LRP1B: variants seen among roughly 807,000 people sequenced by gnomAD.
LRP1B encodes the protein low-density lipoprotein receptor-related protein 1B.
A neutral mutation model predicts 556.6 loss-of-function variants in LRP1B; 217 were observed. The observed-to-expected ratio is 0.39, with a 90% CI of 0.35 to 0.44. The LOEUF is 0.44. LRP1B is among the 20% of genes least tolerant of loss of function. The probability of loss-of-function intolerance (pLI) is 1.00; values close to 1 mark genes in which losing one functional copy is unlikely to be tolerated. For missense variants in LRP1B, 5,053 were observed against 5,620.8 expected (o/e 0.90, Z 3.23); for synonymous variants, 2,047 against 1,865.8 (o/e 1.10, Z -2.50).
intron 18 of LRP1B, among the ~76,000 whole-genome samples, chr2:140,969,223 G>A (rs1302717257): frequency 1.3e-5 from 2 of 152,138 alleles, no homozygotes; most frequent in African/African-American, 2.4e-5. Flanking sequence ...CCTGTATTGG[G>A]TGCATATATA....
rs554198571 is a variant in LRP1B at position 141,996,136 on chromosome 2, C to T, written c.82+134512G>A. On this transcript the variant is annotated intron_variant, in intron 1 of 90. Transcript: ENST00000389484. The stretch of plus-strand genomic sequence containing the variant: ...GCATGGTGGCGGGCGCCTGCAGTCC[C>T]GAACCCGGGAGGCAGATGTTGCAGT... 4.6e-5 allele frequency among the ~76,000 whole-genome samples: 7 copies of T among 150,992 alleles called. No homozygotes were observed. The South Asian group carries it at 1.3e-3, about 27-fold the overall frequency.
intron 1 of LRP1B, among the ~76,000 whole-genome samples, chr2:142,058,704 G>A (rs1704778455): frequency 6.6e-6 from 1 of 151,894 alleles, no homozygotes; most frequent in African/African-American, 2.4e-5. Context: ...CCAATGCTTG[G>A]CACATGCTTT....
intron 7 of LRP1B, among the ~76,000 whole-genome samples, chr2:141,169,336 AAAG>A (rs1383062373): frequency 2.1e-5 from 3 of 140,738 alleles, no homozygotes; most frequent in Non-Finnish European, 3.0e-5. Flanking sequence ...ATAAATAAAT[AAAG>A]AAGAGATGGG....
chr2:141,689,753 A>T (rs908345123), intron 2 of LRP1B, among the ~76,000 whole-genome samples: 6 of 151,816 alleles, frequency 4.0e-5, no homozygotes, highest in Admixed American at 2.6e-4. Context: ...ACACATTTAA[A>T]TTTTAAGCCA....
intron 37 of LRP1B, among the ~76,000 whole-genome samples, chr2:140,708,437 A>G (rs1686916714): frequency 6.6e-6 from 1 of 151,742 alleles, no homozygotes; most frequent in Non-Finnish European, 1.5e-5. Context: ...TAGGACAATT[A>G]TTATGTGTAT....
intron 41 of LRP1B, among the ~76,000 whole-genome samples, chr2:140,684,890 A>C (rs1211845992): frequency 6.6e-6 from 1 of 152,204 alleles, no homozygotes; most frequent in East Asian, 1.9e-4. Flanking sequence ...GCTTCTAACA[A>C]TAGGAACATA....
chr2:142,081,922 T>C (rs1705733475), intron 1 of LRP1B, among the ~76,000 whole-genome samples: 1 of 152,172 alleles, frequency 6.6e-6, no homozygotes, highest in Non-Finnish European at 1.5e-5. Context: ...AAGTGGGACC[T>C]GGAAAAGGTT....
chr2:141,850,655 T>TGTGA (rs1343394382), intron 1 of LRP1B, among the ~76,000 whole-genome samples: 2 of 145,258 alleles, frequency 1.4e-5, no homozygotes, highest in African/African-American at 5.1e-5. Flanking sequence ...TGTGTGTGTG[T>TGTGA]GAGCATGTAC....
intron 45 of LRP1B, among the ~76,000 whole-genome samples, chr2:140,537,680 G>A (rs1455477800): frequency 2.6e-5 from 4 of 151,710 alleles, no homozygotes; most frequent in African/African-American, 7.3e-5. Flanking sequence ...CCAGATGACC[G>A]CTGTCAGAAA....
At chr2:141,243,081 G>A (rs1386506722) in intron 5 of LRP1B, among the ~76,000 whole-genome samples, 1 of 151,672 alleles carries the variant, frequency 6.6e-6, no homozygotes, top group Non-Finnish European at 1.5e-5. Context: ...ATATCAAAAT[G>A]TGCAAGAAGT....
At chr2:141,819,828 ATC>A (rs1281693237) in intron 1 of LRP1B, among the ~76,000 whole-genome samples, 3 of 152,184 alleles carry the variant, frequency 2.0e-5, no homozygotes, top group African/African-American at 7.2e-5. Context: ...TACAATATAT[ATC>A]TATCTATGGA....
In LRP1B at chr2:140,297,947, T is replaced by C. The variant is rs149487197; in HGVS notation, c.12828A>G (p.Ala4276=). Residue 4276 remains alanine (A), a synonymous_variant, in exon 84 of 91, where the codon GCA becomes GCG. Transcript: ENST00000389484. ...CACAGTTTGGCCCAGTGAAACCCAG[T>C]GCACAGCTGCAGGTGGGTCTCCCTA... The part of the protein sequence containing the change: ...SVLGRPTCSC[A]LGFTGPNCGK... The C allele has an allele frequency of 2.5e-6, 4 of 1,612,392 alleles. No homozygotes were observed. Among genetic ancestry groups the C allele is most frequent in the South Asian group, 2.2e-5 (2 of 90,988 alleles).
chr2:140,443,721 CT>C (rs1256492841), intron 65 of LRP1B, among the ~76,000 whole-genome samples: 1 of 152,060 alleles, frequency 6.6e-6, no homozygotes, highest in African/African-American at 2.4e-5. Flanking sequence ...ACAGTTTTGC[CT>C]TCCATTTAAC....
chr2:141,694,720 G>A (rs1487743082), intron 2 of LRP1B, among the ~76,000 whole-genome samples: 1 of 151,552 alleles, frequency 6.6e-6, no homozygotes, highest in African/African-American at 2.4e-5. Context: ...AAAGCACAAT[G>A]AACATAAAGA....
rs950526199 is a variant in LRP1B at position 140,371,128 on chromosome 2, C to T, written c.10875+51G>A. The T allele has an allele frequency of 4.9e-6, 6 of 1,234,128 alleles. No homozygotes were observed. In the African/African-American group the frequency reaches 9.2e-5, roughly 19 times the overall value. 76.4% of individuals were successfully genotyped at this position (1,234,128 alleles called of 1,614,324 possible). A position where few individuals can be genotyped will look rare whatever the true frequency, so the allele number is the denominator to read the frequency against. On this transcript the variant is annotated intron_variant, in intron 70 of 90. Transcript: ENST00000389484. ...CTTTATTTTCATTACATTTGTTTGC[C>T]CAAACCTAATTCATGTAATTCAAAT...
chr2:142,035,776 G>A (rs762527866), intron 1 of LRP1B, among the ~76,000 whole-genome samples: 1 of 151,558 alleles, frequency 6.6e-6, no homozygotes, highest in Admixed American at 6.6e-5. Context: ...GTTACACCAC[G>A]ATATGGTTTC....
intron 3 of LRP1B, among the ~76,000 whole-genome samples, chr2:141,260,471 G>A (rs752458501): frequency 3.6e-5 from 5 of 137,672 alleles, no homozygotes; most frequent in Non-Finnish European, 7.7e-5. Flanking sequence ...AGTGAAAACA[G>A]GACAATAGAG....
At chr2:140,931,508 T>G (rs10496861) in intron 20 of LRP1B, among the ~76,000 whole-genome samples, 88,620 of 151,986 alleles carry the variant, frequency 0.58, 27,798 homozygotes, top group Non-Finnish European at 0.68. Context: ...ATTTCAAGAC[T>G]TTATATAGGT....
At chr2:141,245,078 C>T (rs1684017840) in intron 5 of LRP1B, among the ~76,000 whole-genome samples, 1 of 152,174 alleles carries the variant, frequency 6.6e-6, no homozygotes, top group Admixed American at 6.6e-5. Context: ...TATTAGATTA[C>T]ACTCTCTGTG....
Sources: allele counts gnomAD v4.1 joint callset (sites outside exome capture counted in the v4.1 genomes callset), GRCh38; gene constraint gnomAD v4.1.1; transcripts MANE v1.5; gene names NCBI Gene and HGNC (gene_info 2026-07-23, HGNC 2026-07-21).